The following ABCE1 variants were observed in gnomAD, a reference collection of about 807,000 sequenced individuals.
ABCE1 encodes ATP binding cassette subfamily E member 1, also known as ATP-binding cassette sub-family E member 1.
A neutral mutation model predicts 83.4 loss-of-function variants in ABCE1; 22 were observed. That is an observed-to-expected ratio of 0.26 (90% CI 0.19 to 0.38). The LOEUF (loss-of-function observed/expected upper bound fraction) is 0.38. Among genes scored for constraint, ABCE1 ranks in the 10% least tolerant of loss-of-function variants. ABCE1 has a pLI of 1.00. For synonymous variants in ABCE1, 204 were observed against 233.7 expected, an observed-to-expected ratio of 0.87 and a Z score of 1.16; for missense variants, 330 against 721.9, an observed-to-expected ratio of 0.46 and a Z score of 6.22.
At chr4:145,100,626 A>G (rs1384929815) in intron 1 of ABCE1, among the ~76,000 whole-genome samples, 3 of 152,196 alleles carry the variant, frequency 2.0e-5, no homozygotes, top group African/African-American at 7.2e-5. Context: ...AATTCAAGCC[A>G]TCTAATTTCT....
At chr4:145,113,213 C>G (rs1293446316) in intron 9 of ABCE1, among the ~76,000 whole-genome samples, 2 of 152,178 alleles carry the variant, frequency 1.3e-5, no homozygotes, top group African/African-American at 4.8e-5. Flanking sequence ...AGTGCCAGGA[C>G]TCTCAAAGGA....
intron 9 of ABCE1, among the ~76,000 whole-genome samples, chr4:145,112,717 CAAAAG>C (rs1749514924): frequency 6.6e-6 from 1 of 151,996 alleles, no homozygotes; most frequent in Admixed American, 6.6e-5. Flanking sequence ...TCTTGCTGGA[CAAAAG>C]AAAAGAAAAT....
chr4:145,110,337 G>T, intron 6 of ABCE1, 38 bp from the exon 7 acceptor site: 1 of 1,602,068 alleles, frequency 6.2e-7, no homozygotes. Context: ...TTTTAATATT[G>T]AAAGAAAATA....
chr4:145,122,812 A>G (rs74319539), intron 13 of ABCE1: 3 of 292,706 alleles, frequency 1.0e-5, no homozygotes, highest in Non-Finnish European at 1.9e-5. Flanking sequence ...GTCTCAAAAG[A>G]AAAAAAAAAA....
intron 11 of ABCE1, chr4:145,120,911 C>A (rs1749722428): frequency 2.7e-6 from 1 of 376,066 alleles, no homozygotes; most frequent in Non-Finnish European, 4.8e-6. Context: ...CAAACTATTG[C>A]AGGATTTAAA....
chr4:145,118,853 A>G (rs1365513866), intron 10 of ABCE1, among the ~76,000 whole-genome samples: 1 of 151,910 alleles, frequency 6.6e-6, no homozygotes, highest in Non-Finnish European at 1.5e-5. Flanking sequence ...TGACAAGACA[A>G]ACATTGAAGT....
At chr4:145,117,099 A>AT (rs1030358922) in intron 9 of ABCE1, among the ~76,000 whole-genome samples, 194 bp from the exon 10 acceptor site, 2 of 151,890 alleles carry the variant, frequency 1.3e-5, no homozygotes, top group African/African-American at 2.4e-5. Flanking sequence ...AAATTGGCTG[A>AT]TTTTTTCCTT....
intron 5 of ABCE1, 85 bp from the exon 6 acceptor site, chr4:145,110,018 A>G: frequency 3.3e-6 from 4 of 1,222,468 alleles, no homozygotes; most frequent in Non-Finnish European, 1.1e-6. Context: ...CTATTTGCAT[A>G]TATAATCTAT....
chr4:145,104,317 C>T, intron 1 of ABCE1, 69 bp from the exon 2 acceptor site: 13 of 543,780 alleles, frequency 2.4e-5, no homozygotes, highest in South Asian at 1.2e-4. Context: ...TTATGTTTTC[C>T]TGTCTTTCAT....
intron 17 of ABCE1, 143 bp downstream of exon 17, chr4:145,125,244 G>C: frequency 1.8e-6 from 1 of 562,800 alleles, no homozygotes; most frequent in Non-Finnish European, 3.1e-6. Context: ...AAGGCAGGCA[G>C]ATCACTTGAG....
rs201583929 is a variant in ABCE1 at position 145,109,249 on chromosome 4, T to C, written c.405T>C (p.Asp135=). ...GKQKPNLGKY[D]DPPDWQEILT... Reference sequence around the variant, plus strand: ...AAAAGCCAAACCTTGGAAAGTACGATGTATGTATTATCACCTTGTAAAAAT... The same window carrying C: ...AAAAGCCAAACCTTGGAAAGTACGACGTATGTATTATCACCTTGTAAAAAT... Residue 135 remains aspartate (D), a splice_region_variant and synonymous_variant, in exon 5 of 18, where the codon GAT becomes GAC. Transcript: ENST00000296577. 294 of 1,582,258 alleles carry C rather than the reference T, an allele frequency of 1.9e-4. No homozygotes were observed. Among genetic ancestry groups the C allele is most frequent in the Admixed American group, 7.3e-4 (43 of 59,150 alleles).
intron 3 of ABCE1, 29 bp from the exon 4 acceptor site, chr4:145,107,986 A>C: frequency 6.4e-7 from 1 of 1,557,426 alleles, no homozygotes; most frequent in Non-Finnish European, 8.7e-7. Flanking sequence ...AAATTAATAC[A>C]AAAATTAATT....
At position 145,107,675 on chromosome 4, in the gene ABCE1, A is replaced by G. The variant is rs180880830; in HGVS notation, c.190-340A>G. Among the ~76,000 whole-genome samples the G allele has an allele frequency of 5.3e-5, 8 of 152,340 alleles. 1 individual carries two copies. The East Asian group carries it at 1.5e-3, about 29-fold the overall frequency. On this transcript the variant is annotated intron_variant, in intron 3 of 17. Coordinates refer to ENST00000296577, the MANE Select transcript of ABCE1 (RefSeq NM_002940.3). ...CCAACCAAATGCCAATTGGAAATAG[A>G]GTATTTGCAGGATGCAAAACCATTT...
intron 17 of ABCE1, among the ~76,000 whole-genome samples, chr4:145,126,656 A>G (rs1749897024): frequency 6.6e-6 from 1 of 152,158 alleles, no homozygotes; most frequent in Non-Finnish European, 1.5e-5. Flanking sequence ...CTCTGTATCC[A>G]TCATCCTTAA....
At chr4:145,104,150 T>TACAA (rs1486294188) in intron 1 of ABCE1, among the ~76,000 whole-genome samples, 6 of 152,122 alleles carry the variant, frequency 3.9e-5, no homozygotes, top group Non-Finnish European at 8.8e-5. Flanking sequence ...AAATGACATT[T>TACAA]TTTTCTTTCC....
intron 1 of ABCE1, among the ~76,000 whole-genome samples, chr4:145,099,281 A>G (rs969951982): frequency 3.9e-5 from 6 of 152,198 alleles, no homozygotes; most frequent in South Asian, 2.1e-4. Flanking sequence ...GTAAAAATCT[A>G]TAAGAGGAAG....
At chr4:145,098,479 T>C (rs1055852653) in intron 1 of ABCE1, 60 bp downstream of exon 1, 3 of 152,396 alleles carry the variant, frequency 2.0e-5, no homozygotes, top group Non-Finnish European at 4.4e-5. Context: ...TTGGAAAGAA[T>C]GTAGGGACGT....
intron 1 of ABCE1, among the ~76,000 whole-genome samples, chr4:145,101,536 A>C (rs184690019): frequency 6.6e-6 from 1 of 152,336 alleles, no homozygotes; most frequent in Admixed American, 6.5e-5. Context: ...TCCTGTGTTG[A>C]GAATGAACTG....
chr4:145,110,312 T>C, intron 6 of ABCE1, 63 bp from the exon 7 acceptor site: 1 of 1,600,976 alleles, frequency 6.2e-7, no homozygotes, highest in Non-Finnish European at 8.5e-7. Context: ...TAAACTTGTT[T>C]TACTTTGTGA....
Sources: allele counts gnomAD v4.1 joint callset (sites outside exome capture counted in the v4.1 genomes callset), GRCh38; gene constraint gnomAD v4.1.1; transcripts MANE v1.5; gene names NCBI Gene and HGNC (gene_info 2026-07-23, HGNC 2026-07-21).